DCDC1: variants seen among roughly 807,000 people sequenced by gnomAD.
DCDC1 encodes doublecortin domain containing 1.
DCDC1 carries 200 observed loss-of-function variants against 178.3 expected under a neutral mutation model. That is an observed-to-expected ratio of 1.12 (90% confidence interval 1.00 to 1.26). The LOEUF (loss-of-function observed/expected upper bound fraction) is 1.26, where lower values mean the gene tolerates loss of function less well. DCDC1 is among the 50% of genes most tolerant of loss of function. The pLI, the probability that DCDC1 is intolerant of heterozygous loss-of-function variation, is 0.00. For synonymous variants in DCDC1, 690 were observed against 604.8 expected, an observed-to-expected ratio of 1.14 and a Z score of -2.07; for missense variants, 1,983 against 1,749.2, an observed-to-expected ratio of 1.13 and a Z score of -2.38.
intron 24 of DCDC1, among the ~76,000 whole-genome samples, chr11:30,921,647 G>A (rs1946254111): frequency 6.6e-6 from 1 of 152,092 alleles, no homozygotes; most frequent in South Asian, 2.1e-4. Flanking sequence ...AGGGGATCTG[G>A]GGCACAAGAC....
At chr11:31,108,419 C>T (rs2135782377) in intron 12 of DCDC1, among the ~76,000 whole-genome samples, 1 of 152,230 alleles carries the variant, frequency 6.6e-6, no homozygotes, top group East Asian at 1.9e-4. Context: ...TTCTAAAGCC[C>T]TACATTTATT....
intron 9 of DCDC1, among the ~76,000 whole-genome samples, chr11:31,188,216 T>C (rs185276365): frequency 7.9e-5 from 12 of 152,288 alleles, no homozygotes; most frequent in African/African-American, 2.9e-4. Context: ...TAACAAGTCA[T>C]GCCTACAACA....
chr11:30,942,373 A>T (rs1012504426), intron 21 of DCDC1, among the ~76,000 whole-genome samples: 1 of 152,194 alleles, frequency 6.6e-6, no homozygotes, highest in Non-Finnish European at 1.5e-5. Context: ...TACTAGTTTC[A>T]GTCATAAAAG....
At chr11:31,332,359 AT>A (rs1231113633) in intron 2 of DCDC1, among the ~76,000 whole-genome samples, 1 of 151,344 alleles carries the variant, frequency 6.6e-6, no homozygotes, top group African/African-American at 2.4e-5. Context: ...TTTTGAAGGG[AT>A]TTTGTGTGTC....
rs114569241 is a variant in DCDC1 at position 31,124,417 on chromosome 11, A to G, written c.1485+3052T>C. Among the ~76,000 whole-genome samples, 916 of 152,242 alleles carry G rather than the reference A, an allele frequency of 6.0e-3. 12 individuals carry two copies. Among genetic ancestry groups the G allele is most frequent in the African/African-American group, 0.021 (881 of 41,544 alleles). On this transcript the variant is annotated intron_variant, in intron 11 of 38. Transcript: ENST00000684477. ...AAATTACCATTGACATTCTTCAAAG[A>G]ATTAGAAAACACTATTTTAAAGTTC...
At chr11:31,024,231 G>T (rs977376253) in intron 20 of DCDC1, among the ~76,000 whole-genome samples, 8 of 151,870 alleles carry the variant, frequency 5.3e-5, no homozygotes, top group African/African-American at 1.7e-4. Flanking sequence ...TGTGGCAATG[G>T]TAAGTAGAAA....
At chr11:30,983,386 A>T (rs2134826617) in intron 20 of DCDC1, among the ~76,000 whole-genome samples, 1 of 152,308 alleles carries the variant, frequency 6.6e-6, no homozygotes, top group Non-Finnish European at 1.5e-5. Context: ...CGAAATGAAA[A>T]ATCTTTGTGG....
At chr11:30,941,298 G>T (rs1215666398) in intron 21 of DCDC1, among the ~76,000 whole-genome samples, 4 of 151,986 alleles carry the variant, frequency 2.6e-5, no homozygotes, top group African/African-American at 9.7e-5. Context: ...TCACTCCTTT[G>T]CTCCAGACCC....
intron 23 of DCDC1, among the ~76,000 whole-genome samples, chr11:30,924,046 T>C (rs1305713661): frequency 6.6e-6 from 1 of 152,216 alleles, no homozygotes; most frequent in Non-Finnish European, 1.5e-5. Context: ...CTAGCAAATA[T>C]ACAATCACTC....
chr11:31,094,910 A>C (rs534568860), intron 15 of DCDC1, among the ~76,000 whole-genome samples: 1 of 152,126 alleles, frequency 6.6e-6, no homozygotes, highest in African/African-American at 2.4e-5. Context: ...CGTCATCTAC[A>C]TTAGGTATTT....
intron 7 of DCDC1, chr11:31,280,806 C>T: frequency 1.6e-6 from 1 of 617,128 alleles, no homozygotes; most frequent in Admixed American, 1.8e-5. Flanking sequence ...GTATCCTCTC[C>T]CCAGGTGATG....
intron 9 of DCDC1, among the ~76,000 whole-genome samples, chr11:31,151,967 A>C (rs1965216600): frequency 6.6e-6 from 1 of 152,210 alleles, no homozygotes; most frequent in South Asian, 2.1e-4. Context: ...CTCACCACAA[A>C]ACAGTGATAA....
chr11:30,908,874 T>A (rs560278615), intron 29 of DCDC1, 72 bp downstream of exon 29: 1,224 of 1,396,102 alleles, frequency 8.8e-4, no homozygotes, highest in Non-Finnish European at 1.1e-3. Flanking sequence ...GGGAAAAAAA[T>A]TTTCTCATTT....
intron 21 of DCDC1, among the ~76,000 whole-genome samples, chr11:30,935,368 A>G (rs888151140): frequency 6.6e-6 from 1 of 152,158 alleles, no homozygotes; most frequent in African/African-American, 2.4e-5. Flanking sequence ...CCACAAGGTA[A>G]AACCTGGCAG....
chr11:30,935,931 C>T (rs1054189048), intron 21 of DCDC1, among the ~76,000 whole-genome samples: 4 of 152,138 alleles, frequency 2.6e-5, no homozygotes, highest in African/African-American at 7.2e-5. Flanking sequence ...TTTTTCCCTC[C>T]CTTCTGGGGT....
intron 1 of DCDC1, among the ~76,000 whole-genome samples, chr11:31,359,467 G>T (rs1951588735): frequency 6.6e-6 from 1 of 151,694 alleles, no homozygotes; most frequent in Non-Finnish European, 1.5e-5. Flanking sequence ...ATAGCATTGG[G>T]AGATATACCT....
chr11:31,149,510 C>T (rs750165428), intron 9 of DCDC1, among the ~76,000 whole-genome samples: 8 of 151,966 alleles, frequency 5.3e-5, no homozygotes, highest in East Asian at 3.9e-4. Flanking sequence ...AGCAGCAACC[C>T]GCCCAGCAGC....
intron 1 of DCDC1, among the ~76,000 whole-genome samples, chr11:31,353,911 TAAG>T (rs1413697690): frequency 2.6e-5 from 4 of 152,238 alleles, no homozygotes. Flanking sequence ...AATCAGTCTC[TAAG>T]AAGTACATTG....
intron 1 of DCDC1, among the ~76,000 whole-genome samples, chr11:31,364,316 GA>G (rs1951852092): frequency 6.6e-6 from 1 of 152,102 alleles, no homozygotes; most frequent in Admixed American, 6.6e-5. Context: ...AGTGTAGTTG[GA>G]AAGTGCATAG....
Sources: gnomAD v4.1 joint callset for allele counts (sites outside exome capture counted in the v4.1 genomes callset) on GRCh38, gnomAD v4.1.1 for gene constraint, MANE v1.5 for transcripts, NCBI Gene and HGNC (gene_info 2026-07-23, HGNC 2026-07-21) for gene names.